Variants in LARP4B observed in about 807,000 individuals in gnomAD.
The protein encoded by LARP4B is La ribonucleoprotein 4B.
In LARP4B, 12 loss-of-function variants were observed where a neutral mutation model predicts 89.8. The observed-to-expected ratio is 0.13, with a 90% CI of 0.09 to 0.22. The LOEUF is 0.22. Among genes scored for constraint, LARP4B ranks in the 10% least tolerant of loss-of-function variants. The probability of loss-of-function intolerance (pLI) is 1.00; values close to 1 mark genes in which losing one functional copy is unlikely to be tolerated. For missense variants in LARP4B, 757 were observed against 947.7 expected, an observed-to-expected ratio of 0.80 and a Z score of 2.64; for synonymous variants, 367 against 363.3, an observed-to-expected ratio of 1.01 and a Z score of -0.12.
rs907868624 is a variant in LARP4B at position 900,618 on chromosome 10, C to CTTTTTT, written c.-39-14864_-39-14859dup. ...GCCCAGCTAAAAAAGGATATATTTC[C>CTTTTTT]TTTTTTTTTTTTTTTTTGTGAGAAG... On this transcript the variant is annotated intron_variant, in intron 1 of 17. Transcript: ENST00000316157. Among the ~76,000 whole-genome samples the CTTTTTT allele has an allele frequency of 1.2e-3, 143 of 118,980 alleles. 5 individuals are homozygous for CTTTTTT. The highest frequency in any genetic ancestry group is 2.0e-3 in the African/African-American group (62 of 31,522). 78.1% of individuals were successfully genotyped at this position (118,980 alleles called of 152,430 possible). A position where few individuals can be genotyped will look rare whatever the true frequency, so the allele number is the denominator to read the frequency against.
At chr10:944,445 C>A in the LARP4B span, among the ~76,000 whole-genome samples, 1 of 152,150 alleles carries the variant, frequency 6.6e-6, no homozygotes, top group African/African-American at 2.4e-5. Context: ...GCATGTCAAC[C>A]CCCAGCTCGC....
chr10:966,056 TTGTGTG>T, the LARP4B span, among the ~76,000 whole-genome samples: 9 of 128,198 alleles, frequency 7.0e-5, no homozygotes, highest in Non-Finnish European at 1.2e-4. Flanking sequence ...TGTGTGGGTT[TTGTGTG>T]TGTGTGTGTG....
At chr10:903,362 A>C (rs1836395313) in intron 1 of LARP4B, 1 of 152,242 alleles carries the variant, frequency 6.6e-6, no homozygotes, top group African/African-American at 2.4e-5. Context: ...CAAAGAGCAG[A>C]ACTGCCTGAT....
chr10:897,935 C>T (rs1360833750), intron 1 of LARP4B, among the ~76,000 whole-genome samples: 1 of 142,844 alleles, frequency 7.0e-6, no homozygotes, highest in Non-Finnish European at 1.5e-5. Flanking sequence ...TTGCAGTGAG[C>T]CAAGATCACG....
chr10:821,415 A>G (rs553178073), intron 13 of LARP4B, among the ~76,000 whole-genome samples: 2 of 152,238 alleles, frequency 1.3e-5, no homozygotes, highest in African/African-American at 4.8e-5. Context: ...CAGGAACCAC[A>G]TTCTGGACCT....
In LARP4B at chr10:829,739, G is replaced by A. The variant is rs999918204; in HGVS notation, c.862-5C>T. On this transcript the variant is annotated splice_region_variant and splice_polypyrimidine_tract_variant and intron_variant, in intron 9 of 17. Coordinates refer to ENST00000316157, the MANE Select transcript of LARP4B (RefSeq NM_015155.3). ...TTCTCGAAGGTATTTGTAAGCCTAA[G>A]GGCAAAATTAAGTACAAAATTCCAT... The A allele has an allele frequency of 6.2e-7, 1 of 1,609,014 alleles. No homozygotes were observed. The highest frequency in any genetic ancestry group is 8.5e-7 in the Non-Finnish European group (1 of 1,176,244).
At chr10:872,279 CCT>C (rs1835249862) in intron 3 of LARP4B, among the ~76,000 whole-genome samples, 2 of 152,230 alleles carry the variant, frequency 1.3e-5, no homozygotes, top group Admixed American at 6.5e-5. Flanking sequence ...ACTGCATTCC[CCT>C]GTCCTTTCAC....
At chr10:913,541 A>G (rs1282996733) in intron 1 of LARP4B, among the ~76,000 whole-genome samples, 1 of 152,248 alleles carries the variant, frequency 6.6e-6, no homozygotes, top group Non-Finnish European at 1.5e-5. Flanking sequence ...ATACTCATTC[A>G]TTTAACTCTA....
intron 5 of LARP4B, among the ~76,000 whole-genome samples, 176 bp downstream of exon 5, chr10:863,567 A>AC (rs1222284019): frequency 6.6e-6 from 1 of 151,798 alleles, no homozygotes; most frequent in African/African-American, 2.4e-5. Flanking sequence ...CCTCCATGGC[A>AC]CCTCCCTAAC....
rs1286577510 is a variant in LARP4B at position 830,727 on chromosome 10, T to C, written c.861+140A>G. The stretch of plus-strand genomic sequence containing the variant: ...AAATACACTCAAATATTTAAGTTTC[T>C]ACAACTTGATTTCCTCTGCAGATTA... On this transcript the variant is annotated intron_variant, in intron 9 of 17. Coordinates refer to ENST00000316157, the MANE Select transcript of LARP4B (RefSeq NM_015155.3). 6 of 532,842 alleles carry C rather than the reference T, an allele frequency of 1.1e-5. No homozygotes were observed. The African/African-American group carries it at 1.2e-4, about 11-fold the overall frequency. 33.0% of individuals were successfully genotyped at this position (532,842 alleles called of 1,614,324 possible).
At position 885,669 on chromosome 10, in the gene LARP4B, ACT is replaced by A. The variant is rs1346170695; in HGVS notation, c.51_52del (p.Arg17SerfsTer35). 6.2e-7 allele frequency: 1 copy of A among 1,613,968 alleles called. No individual in the cohort carries two copies. Among genetic ancestry groups the A allele is most frequent in the Non-Finnish European group, 8.5e-7 (1 of 1,179,966 alleles). On this transcript the variant is annotated frameshift_variant, in exon 2 of 18. Coordinates refer to ENST00000316157, the MANE Select transcript of LARP4B (RefSeq NM_015155.3). LOFTEE classifies it high-confidence loss of function. ...ATGAGCGCTGTCCTTGCCCTCCTGG[ACT>A]CTCTGCGTCTGCGGTTCAGCCACAA... is the stretch of plus-strand genomic sequence containing the variant.
rs1255548922 is a variant in LARP4B at position 822,653 on chromosome 10, A to G, written c.1485-1808T>C. Among the ~76,000 whole-genome samples, 1 of 152,230 alleles carries G rather than the reference A, an allele frequency of 6.6e-6. No individual in the cohort carries two copies. The highest frequency in any genetic ancestry group is 1.9e-4 in the East Asian group (1 of 5,192). On this transcript the variant is annotated intron_variant, in intron 13 of 17. Coordinates refer to ENST00000316157, the MANE Select transcript of LARP4B (RefSeq NM_015155.3). This position sits in a 1 kb window ranked among gnomAD's most constrained non-coding sequence, Gnocchi z 4.6. The stretch of plus-strand genomic sequence containing the variant: ...CAGTGACAGGGCCATGGTGGGTTAC[A>G]GCTCACAAGGGGTAGCAAGGGACCC...
chr10:835,240 T>C (rs1241858617), intron 8 of LARP4B, among the ~76,000 whole-genome samples: 1 of 152,186 alleles, frequency 6.6e-6, no homozygotes, highest in Non-Finnish European at 1.5e-5. Context: ...TAGAATTTCT[T>C]ACGCTAGGCA....
chr10:939,063 A>G, the LARP4B span, among the ~76,000 whole-genome samples: 1 of 152,264 alleles, frequency 6.6e-6, no homozygotes, highest in Non-Finnish European at 1.5e-5. Context: ...CAATAAAAAC[A>G]TAGTAATGAG....
the LARP4B span, among the ~76,000 whole-genome samples, chr10:981,601 C>T: frequency 6.6e-6 from 1 of 152,098 alleles, no homozygotes; most frequent in South Asian, 2.1e-4. Context: ...GATGGAGTCT[C>T]ACTCTGTCGC....
At chr10:895,419 C>T (rs1023549176) in intron 1 of LARP4B, among the ~76,000 whole-genome samples, 3 of 150,654 alleles carry the variant, frequency 2.0e-5, no homozygotes, top group African/African-American at 4.9e-5. Context: ...GAAATAAAAA[C>T]GCAGAAAGTA....
At chr10:934,965 C>T (rs763917053), upstream of LARP4B, among the ~76,000 whole-genome samples, 4 of 152,188 alleles carry the variant, frequency 2.6e-5, no homozygotes, top group African/African-American at 9.7e-5. Context: ...TCCTGCAATG[C>T]GACCTTCACC....
chr10:909,034 C>T (rs989857848), intron 1 of LARP4B, among the ~76,000 whole-genome samples: 2 of 152,174 alleles, frequency 1.3e-5, no homozygotes, highest in South Asian at 2.1e-4. Context: ...GTGGCTCATG[C>T]CTGTAATCCC....
intron 1 of LARP4B, among the ~76,000 whole-genome samples, chr10:916,126 T>A (rs1836813755): frequency 6.6e-6 from 1 of 152,222 alleles, no homozygotes; most frequent in Non-Finnish European, 1.5e-5. Flanking sequence ...ATGGTATTAA[T>A]GTGTGTTCCA....
Sources: gnomAD v4.1 joint callset for allele counts (sites outside exome capture counted in the v4.1 genomes callset) on GRCh38, gnomAD v4.1.1 for gene constraint, Gnocchi (gnomAD v3.1) non-coding constraint, MANE v1.5 for transcripts, NCBI Gene and HGNC (gene_info 2026-07-23, HGNC 2026-07-21) for gene names.